Variants in TNRC6A observed in about 807,000 individuals in gnomAD.
The protein encoded by TNRC6A is trinucleotide repeat-containing gene 6A protein.
In TNRC6A, 44 loss-of-function variants were observed where a neutral mutation model predicts 221.2. That is an observed-to-expected ratio of 0.20 (90% CI 0.16 to 0.26). The LOEUF (loss-of-function observed/expected upper bound fraction) is 0.26. Ranked by LOEUF, TNRC6A falls within the 10% of genes least tolerant of loss-of-function variation. The pLI, the probability that TNRC6A is intolerant of heterozygous loss-of-function variation, is 1.00. For synonymous variants in TNRC6A, 847 were observed against 838.5 expected, an observed-to-expected ratio of 1.01 and a Z score of -0.18; for missense variants, 2,199 against 2,404.4, an observed-to-expected ratio of 0.91 and a Z score of 1.79.
At chr16:24,679,788 T>G (rs539432439) in intron 2 of TNRC6A, among the ~76,000 whole-genome samples, 48 of 151,958 alleles carry the variant, frequency 3.2e-4, no homozygotes, top group African/African-American at 1.1e-3. Flanking sequence ...TTTTATTTTT[T>G]TTTAGAGACA....
intron 1 of TNRC6A, among the ~76,000 whole-genome samples, chr16:24,618,642 ATTTTTTT>A (rs61228496): frequency 0.039 from 3,400 of 88,170 alleles, 105 homozygotes; most frequent in East Asian, 0.15. Flanking sequence ...CATTTCATGA[ATTTTTTT>A]TTTTTTTTTT....
At chr16:24,621,880 C>T (rs1900693319) in intron 1 of TNRC6A, among the ~76,000 whole-genome samples, 1 of 152,178 alleles carries the variant, frequency 6.6e-6, no homozygotes, top group Non-Finnish European at 1.5e-5. Context: ...GACAGAGCAT[C>T]TGTGAATATG....
chr16:24,778,446 G>C lies in TNRC6A; in HGVS notation c.589+1088G>C, dbSNP rs1413829672. On this transcript the variant is annotated intron_variant, in intron 5 of 24. Coordinates refer to ENST00000395799, the MANE Select transcript of TNRC6A (RefSeq NM_014494.4). ...TTTGGCAACATACAGGATGTGATTGGTAATGAGGAAGAGGACACAAATGTG... is the reference window on the plus strand; with the variant it reads ...TTTGGCAACATACAGGATGTGATTGCTAATGAGGAAGAGGACACAAATGTG... 8 of 985,324 alleles carry C rather than the reference G, an allele frequency of 8.1e-6. No individual in the cohort carries two copies. In the South Asian group the frequency reaches 3.3e-4, roughly 40 times the overall value. The allele number at this position is 985,324 out of a possible 1,614,324, so 61.0% of individuals were successfully genotyped here.
At position 24,791,182 on chromosome 16, in the gene TNRC6A, A is replaced by G; in HGVS notation, c.2540A>G (p.Gln847Arg). 2 of 1,614,164 alleles carry G rather than the reference A, an allele frequency of 1.2e-6. No individual in the cohort carries two copies. The highest frequency in any genetic ancestry group is 4.5e-5 in the East Asian group (2 of 44,880). The change falls in exon 6 of 25, where the codon CAA becomes CGA. Residue 847 changes from glutamine (Q) to arginine (R), a missense_variant. By Grantham distance (43) the Gln-to-Arg change is conservative (BLOSUM62 1). Around this residue, in one of 8 missense-constraint regions of TNRC6A, gnomAD observed 1,405 missense variants for 1,400.2 expected, o/e 1.00. Transcript: ENST00000395799. ...QGWGDGQKSS[Q>R]GWSVSASDNW... The stretch of plus-strand genomic sequence containing the variant: ...TGGGGTGATGGACAAAAATCAAGCC[A>G]AGGGTGGTCTGTTTCTGCCAGTGAT...
intron 11 of TNRC6A, among the ~76,000 whole-genome samples, chr16:24,799,219 G>GA (rs899853959): frequency 5.9e-5 from 9 of 151,942 alleles, no homozygotes; most frequent in African/African-American, 2.2e-4. Flanking sequence ...GCTGGCGAAG[G>GA]AAAAAAACCT....
intron 1 of TNRC6A, 91 bp from the exon 2 acceptor site, chr16:24,730,162 G>C (rs1365964212): frequency 3.5e-6 from 4 of 1,135,274 alleles, no homozygotes; most frequent in Non-Finnish European, 4.7e-6. Flanking sequence ...GCCCCGGCGC[G>C]AGCCTCTGCC....
intron 4 of TNRC6A, 50 bp downstream of exon 4, chr16:24,758,410 T>G: frequency 6.3e-7 from 1 of 1,582,512 alleles, no homozygotes; most frequent in East Asian, 2.2e-5. Context: ...AAAGCAAGGT[T>G]GTTTATGTGC....
intron 2 of TNRC6A, chr16:24,663,934 G>A (rs1567336033): frequency 2.2e-6 from 1 of 456,694 alleles, no homozygotes. Context: ...TATCCTGCAG[G>A]AACAGGTGAA....
rs895955751 is a variant in TNRC6A at position 24,823,162 on chromosome 16, G to A, written c.5513+149G>A. 24 of 1,213,782 alleles carry A rather than the reference G, an allele frequency of 2.0e-5. No individual in the cohort carries two copies. Among genetic ancestry groups the A allele is most frequent in the Admixed American group, 1.8e-4 (9 of 51,084 alleles). The allele number at this position is 1,213,782 out of a possible 1,614,324, so 75.2% of individuals were successfully genotyped here. On this transcript the variant is annotated intron_variant, in intron 24 of 24. Transcript: ENST00000395799. This position sits in a 1 kb window ranked among gnomAD's most constrained non-coding sequence, Gnocchi z 4.3. Reference sequence around the variant, plus strand: ...GATTCCAAGGTCGGCATTCCTAAGCGGGGAATCAGACCTGGCTAGATGGCC... The same window carrying A: ...GATTCCAAGGTCGGCATTCCTAAGCAGGGAATCAGACCTGGCTAGATGGCC...
rs146180343 is a variant in TNRC6A, at chr16:24,762,586, C to T, written c.163+4226C>T. 2.6e-5 allele frequency among the ~76,000 whole-genome samples: 4 copies of T among 152,172 alleles called. No individual in the cohort carries two copies. The East Asian group carries it at 5.8e-4, about 22-fold the overall frequency. Reference sequence around the variant, plus strand: ...CAGGGGCTGGGTATTCTGGGACTCACGTAGTCTATATTTAAAAATTGATGT... The same window carrying T: ...CAGGGGCTGGGTATTCTGGGACTCATGTAGTCTATATTTAAAAATTGATGT... On this transcript the variant is annotated intron_variant, in intron 4 of 24. Coordinates refer to ENST00000395799, the MANE Select transcript of TNRC6A (RefSeq NM_014494.4).
intron 4 of TNRC6A, among the ~76,000 whole-genome samples, chr16:24,761,739 C>T (rs1296877444): frequency 6.6e-6 from 1 of 151,950 alleles, no homozygotes; most frequent in Non-Finnish European, 1.5e-5. Context: ...CTACATTACC[C>T]AGGCTGGTCT....
At chr16:24,739,287 G>A (rs1018236739) in intron 2 of TNRC6A, among the ~76,000 whole-genome samples, 8 of 152,184 alleles carry the variant, frequency 5.3e-5, no homozygotes, top group African/African-American at 1.7e-4. Flanking sequence ...ATGATGATTA[G>A]CATCTTTTCA....
rs774917549 is a variant in TNRC6A, at chr16:24,790,898, C to T, written c.2256C>T (p.Ala752=). ...GAAAGACTGACAATGGGACAGAGGCCTGGGGAAGCTCTGCAACACAGACTT... is the reference window on the plus strand; with the variant it reads ...GAAAGACTGACAATGGGACAGAGGCTTGGGGAAGCTCTGCAACACAGACTT... ...GERKTDNGTE[A]WGSSATQTFN... The change falls in exon 6 of 25, where the codon GCC becomes GCT. Residue 752 remains alanine, a synonymous_variant. Transcript: ENST00000395799. 53 of 1,613,956 alleles carry T rather than the reference C, an allele frequency of 3.3e-5. No homozygotes were observed. Among genetic ancestry groups the T allele is most frequent in the Non-Finnish European group, 4.3e-5 (51 of 1,180,032 alleles).
In TNRC6A at chr16:24,791,580, AAAG is replaced by A. The variant is rs549025197; in HGVS notation, c.2947_2949del (p.Glu983del). On this transcript the variant is annotated inframe_deletion, in exon 6 of 25. Transcript: ENST00000395799. ...GGGGGGACCTATACCAGCCCCAGCA[AAAG>A]AAGAAGAACCCACAGGCTGGGAGGA... 436 of 1,577,922 alleles carry A rather than the reference AAAG, an allele frequency of 2.8e-4. 7 individuals are homozygous for A. In the South Asian group the frequency reaches 4.4e-3, roughly 16 times the overall value.
intron 2 of TNRC6A, chr16:24,661,794 C>T (rs371670432): frequency 9.8e-5 from 15 of 152,306 alleles, no homozygotes; most frequent in African/African-American, 3.6e-4. Context: ...GTGCAATTAA[C>T]TCATTAATGG....
chr16:24,783,207 C>T (rs995279619), intron 5 of TNRC6A, among the ~76,000 whole-genome samples: 1 of 152,040 alleles, frequency 6.6e-6, no homozygotes, highest in African/African-American at 2.4e-5. Context: ...CTGCTCACTG[C>T]AACCTCCGCC....
intron 11 of TNRC6A, among the ~76,000 whole-genome samples, chr16:24,801,068 G>A (rs979329180): frequency 6.6e-6 from 1 of 152,224 alleles, no homozygotes; most frequent in Non-Finnish European, 1.5e-5. Context: ...AGGCTTGATA[G>A]ATACTGCGTT....
At position 24,638,019 on chromosome 16, in the gene TNRC6A, A is replaced by T. The variant is rs1033361007; in HGVS notation, n.277-2865A>T. On this transcript the variant is annotated intron_variant and non_coding_transcript_variant, in intron 1 of 2. Transcript: ENST00000566108. Reference sequence around the variant, plus strand: ...AGGCTGGTCTCAAACTCCTGACCTCAAGTGATCCACCCGCCTCAGTCTCCC... The same window carrying T: ...AGGCTGGTCTCAAACTCCTGACCTCTAGTGATCCACCCGCCTCAGTCTCCC... Among the ~76,000 whole-genome samples the T allele has an allele frequency of 3.7e-4, 56 of 152,046 alleles. 2 individuals are homozygous for T. Among genetic ancestry groups the T allele is most frequent in the Admixed American group, 3.5e-3 (54 of 15,240 alleles).
intron 2 of TNRC6A, among the ~76,000 whole-genome samples, chr16:24,697,205 A>T (rs1175704094): frequency 6.6e-6 from 1 of 152,208 alleles, no homozygotes; most frequent in Non-Finnish European, 1.5e-5. Context: ...ATGTACAATT[A>T]TTACATGTCA....
Sources: gnomAD v4.1 joint callset for allele counts (sites outside exome capture counted in the v4.1 genomes callset) on GRCh38, gnomAD v4.1.1 for gene constraint, gnomAD v4.1.1 regional missense constraint, Gnocchi (gnomAD v3.1) non-coding constraint, MANE v1.5 for transcripts, NCBI Gene and HGNC (gene_info 2026-07-23, HGNC 2026-07-21) for gene names.